The following RFWD3 variants were observed in gnomAD, a reference collection of about 807,000 sequenced individuals.
RFWD3 encodes the protein ring finger and WD repeat domain 3.
Under a neutral mutation model 87.7 loss-of-function variants are expected in RFWD3, and 65 were observed. The observed-to-expected ratio is 0.74, with a 90% CI of 0.61 to 0.91. The LOEUF (loss-of-function observed/expected upper bound fraction) is 0.91. RFWD3 is among the 40% of genes least tolerant of loss of function. The pLI, the probability that RFWD3 is intolerant of heterozygous loss-of-function variation, is 0.00. For synonymous variants in RFWD3, 433 were observed against 352.8 expected, an observed-to-expected ratio of 1.23 and a Z score of -2.55; for missense variants, 1,078 against 938.5, an observed-to-expected ratio of 1.15 and a Z score of -1.94.
chr16:74,638,040 A>T, intron 6 of RFWD3, 70 bp from the exon 7 acceptor site: 1 of 958,764 alleles, frequency 1.0e-6, no homozygotes, highest in Non-Finnish European at 1.7e-6. Context: ...CAGGTGGCAG[A>T]GTTAAGTTCA....
intron 2 of RFWD3, among the ~76,000 whole-genome samples, chr16:74,654,557 C>T (rs1960821180): frequency 6.6e-6 from 1 of 152,054 alleles, no homozygotes; most frequent in African/African-American, 2.4e-5. Flanking sequence ...TGAAATTAGG[C>T]CAGTTAGTAA....
At chr16:74,658,404 T>C (rs1328288900) in intron 2 of RFWD3, among the ~76,000 whole-genome samples, 2 of 152,232 alleles carry the variant, frequency 1.3e-5, no homozygotes, top group Non-Finnish European at 1.5e-5. Flanking sequence ...TACTTAGCTT[T>C]CCATAGCTTT....
chr16:74,649,117 T>C lies in RFWD3; in HGVS notation c.792+15A>G, dbSNP rs1322786375. ...AATAAATAAATAGATTTTTTTAAAA[T>C]GATGTTCATATTACCTGTTTGGGGA... On this transcript the variant is annotated intron_variant, in intron 4 of 12. Transcript: ENST00000361070. 7.2e-6 allele frequency: 11 copies of C among 1,534,606 alleles called. No homozygotes were observed. The highest frequency in any genetic ancestry group is 1.4e-5 in the African/African-American group (1 of 70,870).
rs1959277401 is a variant in RFWD3, at chr16:74,637,851, C to A, written c.1194+5G>T. 1 of 1,605,812 alleles carries A rather than the reference C, an allele frequency of 6.2e-7. No homozygotes were observed. The highest frequency in any genetic ancestry group is 1.3e-5 in the African/African-American group (1 of 74,740). On this transcript the variant is annotated splice_donor_5th_base_variant and intron_variant, in intron 7 of 12. Coordinates refer to ENST00000361070, the MANE Select transcript of RFWD3 (RefSeq NM_018124.4). ...AGTTCTTTGGATTAGAAAGGACAAA[C>A]GTACCTGAACACGCCTTTGAAGCCT...
At chr16:74,637,142 AAAAC>A in intron 7 of RFWD3, among the ~76,000 whole-genome samples, 1 of 150,298 alleles carries the variant, frequency 6.7e-6, no homozygotes, top group South Asian at 2.1e-4. Context: ...AAAAAAAAAA[AAAAC>A]AACTTAAAAG....
At chr16:74,642,068 T>G (rs1959704839) in intron 6 of RFWD3, among the ~76,000 whole-genome samples, 1 of 151,980 alleles carries the variant, frequency 6.6e-6, no homozygotes, top group African/African-American at 2.4e-5. Context: ...GAACACCTAA[T>G]TCATGAAAGT....
intron 6 of RFWD3, among the ~76,000 whole-genome samples, chr16:74,640,817 T>TA (rs1475008721): frequency 6.6e-6 from 1 of 151,942 alleles, no homozygotes; most frequent in Non-Finnish European, 1.5e-5. Context: ...CGGGTGCCTG[T>TA]AGTCTCAGCT....
chr16:74,641,543 T>C (rs1959646979), intron 6 of RFWD3, among the ~76,000 whole-genome samples: 1 of 152,100 alleles, frequency 6.6e-6, no homozygotes, highest in South Asian at 2.1e-4. Context: ...ATGTATCAAC[T>C]AGGATATACT....
chr16:74,638,190 C>A (rs762367017), intron 6 of RFWD3, among the ~76,000 whole-genome samples: 2 of 152,010 alleles, frequency 1.3e-5, no homozygotes, highest in Non-Finnish European at 2.9e-5. Context: ...AAAATGGGGA[C>A]TAAAAATGCC....
chr16:74,636,476 G>C lies in RFWD3; in HGVS notation c.1296C>G (p.His432Gln), dbSNP rs1435083077. Residue 432 changes from histidine (H) to glutamine (Q), a missense_variant, in exon 8 of 13, where the codon CAC becomes CAG. His to Gln is a conservative substitution (Grantham distance 24). Transcript: ENST00000361070. ...LSCSPSSQGQ[H>Q]KHKYHFQKTF... ...TCTTTTGGAAGTGGTACTTGTGCTT[G>C]TGCTGGCCCTGGCTGGAGGGTGAGC... 2 of 1,614,106 alleles carry C rather than the reference G, an allele frequency of 1.2e-6. No individual in the cohort carries two copies. Among genetic ancestry groups the C allele is most frequent in the South Asian group, 1.1e-5 (1 of 91,078 alleles).
intron 8 of RFWD3, among the ~76,000 whole-genome samples, chr16:74,634,913 G>A (rs1311370610): frequency 1.3e-5 from 2 of 152,024 alleles, no homozygotes; most frequent in African/African-American, 4.8e-5. Context: ...AGGCTGAGAT[G>A]GGTGAATCAC....
At chr16:74,650,070 T>C (rs150834068) in intron 3 of RFWD3, among the ~76,000 whole-genome samples, 3 of 152,336 alleles carry the variant, frequency 2.0e-5, no homozygotes, top group African/African-American at 4.8e-5. Context: ...CTCTGTAGAC[T>C]TGCCTTTTCT....
chr16:74,659,923 T>C (rs1438967150), intron 2 of RFWD3, among the ~76,000 whole-genome samples: 1 of 152,176 alleles, frequency 6.6e-6, no homozygotes, highest in African/African-American at 2.4e-5. Context: ...TGGTTGCGTA[T>C]GCCTGTAGTC....
rs533102164 is a variant in RFWD3 at position 74,647,018 on chromosome 16, C to T, written c.792+2114G>A. 1.5e-3 allele frequency among the ~76,000 whole-genome samples: 222 copies of T among 151,202 alleles called. 1 individual carries two copies. In the South Asian group the frequency reaches 0.016, roughly 11 times the overall value. ...AGGAGAATGGTGTGAACCTGGGAGG[C>T]GGAGCCTGCAGTGAGCCGAGATCAT... On this transcript the variant is annotated intron_variant, in intron 4 of 12. Transcript: ENST00000361070.
At chr16:74,634,217 T>A (rs561345086) in intron 8 of RFWD3, among the ~76,000 whole-genome samples, 2 of 152,262 alleles carry the variant, frequency 1.3e-5, no homozygotes, top group African/African-American at 4.8e-5. Flanking sequence ...AGTCAAGATA[T>A]GTCACATCTG....
At chr16:74,650,674 T>C (rs954460621) in intron 3 of RFWD3, among the ~76,000 whole-genome samples, 1 of 152,030 alleles carries the variant, frequency 6.6e-6, no homozygotes, top group African/African-American at 2.4e-5. Context: ...AATTTTTCTA[T>C]TAAAAAAACC....
chr16:74,639,497 G>A (rs535124636), intron 6 of RFWD3, among the ~76,000 whole-genome samples: 31 of 152,310 alleles, frequency 2.0e-4, no homozygotes, highest in African/African-American at 7.5e-4. Flanking sequence ...GGATCTTTAT[G>A]AAGCAAAATA....
Position 74,652,139 on chromosome 16 carries a change from A to G in RFWD3, c.519-17T>C. 2 of 1,607,676 alleles carry G rather than the reference A, an allele frequency of 1.2e-6. No individual in the cohort carries two copies. Among genetic ancestry groups the G allele is most frequent in the Non-Finnish European group, 1.7e-6 (2 of 1,174,524 alleles). On this transcript the variant is annotated splice_polypyrimidine_tract_variant and intron_variant, in intron 2 of 12. Transcript: ENST00000361070. ...GCTCTCAACCTATGTACACAGAAAGACAACGGAATTATAGTACAATGAACT... is the reference window on the plus strand; with the variant it reads ...GCTCTCAACCTATGTACACAGAAAGGCAACGGAATTATAGTACAATGAACT...
At chr16:74,631,070 C>T in intron 9 of RFWD3, 113 bp from the exon 10 acceptor site, 1 of 904,390 alleles carries the variant, frequency 1.1e-6, no homozygotes, top group Non-Finnish European at 1.6e-6. Context: ...CACACTCATA[C>T]TCCCAAACTA....
Sources: gnomAD v4.1 joint callset for allele counts (sites outside exome capture counted in the v4.1 genomes callset) on GRCh38, gnomAD v4.1.1 for gene constraint, MANE v1.5 for transcripts, NCBI Gene and HGNC (gene_info 2026-07-23, HGNC 2026-07-21) for gene names.